Variants in KDM4C observed in about 807,000 individuals in gnomAD.
KDM4C encodes lysine demethylase 4C.
KDM4C carries 81 observed loss-of-function variants against 129.3 expected under a neutral mutation model. The observed-to-expected ratio is 0.63, with a 90% CI of 0.52 to 0.75. The LOEUF is 0.75. Ranked by LOEUF, KDM4C falls within the 30% of genes least tolerant of loss-of-function variation. The pLI is 0.00. For missense variants in KDM4C, 1,457 were observed against 1,304.0 expected, an observed-to-expected ratio of 1.12 and a Z score of -1.81; for synonymous variants, 573 against 456.1, an observed-to-expected ratio of 1.26 and a Z score of -3.26.
chr9:7,169,311 G>A (rs10115707), intron 20 of KDM4C, among the ~76,000 whole-genome samples: 8,965 of 152,084 alleles, frequency 0.059, 436 homozygotes, highest in East Asian at 0.14. Context: ...GGCCTGTTTT[G>A]AAATGTATTT....
intron 21 of KDM4C, 25 bp downstream of exon 21, chr9:7,169,915 G>T: frequency 6.2e-7 from 1 of 1,613,474 alleles, no homozygotes; most frequent in Non-Finnish European, 8.5e-7. Flanking sequence ...ATGCCACTTG[G>T]GGACCTGCCA....
intron 21 of KDM4C, chr9:7,170,182 C>T: frequency 7.9e-7 from 1 of 1,262,380 alleles, no homozygotes; most frequent in Admixed American, 3.5e-5. Context: ...CTGTGTAAAA[C>T]ACCAGGAGCA....
At chr9:6,725,893 A>C (rs1817109375) in intron 1 of KDM4C, among the ~76,000 whole-genome samples, 1 of 147,086 alleles carries the variant, frequency 6.8e-6, no homozygotes, top group Non-Finnish European at 1.5e-5. Flanking sequence ...AAATATTTTT[A>C]GTAGAGATGG....
chr9:6,926,048 G>T (rs1036168370), intron 8 of KDM4C, among the ~76,000 whole-genome samples: 6 of 152,240 alleles, frequency 3.9e-5, no homozygotes, highest in African/African-American at 1.4e-4. Context: ...AACTGTAAAA[G>T]CTTGTGGTCA....
intron 1 of KDM4C, among the ~76,000 whole-genome samples, chr9:6,787,492 C>T (rs749688911): frequency 2.0e-5 from 3 of 152,254 alleles, no homozygotes; most frequent in African/African-American, 7.2e-5. Flanking sequence ...CTAGGCCTCC[C>T]AAGGTGCTGG....
intron 15 of KDM4C, among the ~76,000 whole-genome samples, chr9:7,025,848 C>T (rs1274781364): frequency 6.6e-6 from 1 of 152,116 alleles, no homozygotes; most frequent in Non-Finnish European, 1.5e-5. Flanking sequence ...CTTACTATTA[C>T]CAGTGAGTTT....
chr9:6,877,451 C>T (rs895734227), intron 5 of KDM4C, among the ~76,000 whole-genome samples: 1 of 151,990 alleles, frequency 6.6e-6, no homozygotes. Context: ...CTGCCCGCCT[C>T]GACCTCCCAA....
At chr9:6,897,853 AG>A (rs1376021683) in intron 8 of KDM4C, among the ~76,000 whole-genome samples, 1 of 152,210 alleles carries the variant, frequency 6.6e-6, no homozygotes, top group East Asian at 1.9e-4. Context: ...TTTTCTTGAT[AG>A]AGATTTAAAA....
chr9:6,796,884 G>A (rs1417420840), intron 2 of KDM4C, among the ~76,000 whole-genome samples: 1 of 152,100 alleles, frequency 6.6e-6, no homozygotes, highest in Non-Finnish European at 1.5e-5. Flanking sequence ...AAACTGTACC[G>A]AATCAAATCA....
At chr9:6,776,949 T>C (rs1369652632) in intron 1 of KDM4C, among the ~76,000 whole-genome samples, 1 of 152,174 alleles carries the variant, frequency 6.6e-6, no homozygotes, top group African/African-American at 2.4e-5. Flanking sequence ...ATTTGTAGTC[T>C]TATCTTTTCC....
In KDM4C at chr9:7,013,905, G is replaced by C. The variant is rs774583110; in HGVS notation, c.2086G>C (p.Glu696Gln). ...IPEMCFIYSE[E>Q]NIEYSPPNAF... ...AGAGATGTGTTTTATTTATAGTGAAGAAAATATAGAATATTCTCCACCCAA... is the reference window on the plus strand; with the variant it reads ...AGAGATGTGTTTTATTTATAGTGAACAAAATATAGAATATTCTCCACCCAA... Residue 696 changes from glutamate (E) to glutamine (Q), a missense_variant, in exon 14 of 22, where the codon GAA becomes CAA. Coordinates refer to ENST00000381309, the MANE Select transcript of KDM4C (RefSeq NM_015061.6). 6.2e-7 allele frequency: 1 copy of C among 1,613,946 alleles called. No individual in the cohort carries two copies. Among genetic ancestry groups the C allele is most frequent in the South Asian group, 1.1e-5 (1 of 91,070 alleles).
chr9:6,919,247 T>TTTCTTTCTTTCTTTCTTTCTTTC, intron 8 of KDM4C, among the ~76,000 whole-genome samples: 1 of 106,292 alleles, frequency 9.4e-6, no homozygotes, highest in African/African-American at 3.7e-5. Flanking sequence ...TCTTTCTTTC[T>TTTCTTTCTTTCTTTCTTTCTTTC]TTTCTTTCTT....
At chr9:6,963,115 A>G (rs1187438011) in intron 8 of KDM4C, among the ~76,000 whole-genome samples, 1 of 152,226 alleles carries the variant, frequency 6.6e-6, no homozygotes, top group Admixed American at 6.5e-5. Flanking sequence ...TGTGGGGATA[A>G]TAATTATGCC....
At chr9:6,735,578 C>T (rs1588044067) in intron 1 of KDM4C, among the ~76,000 whole-genome samples, 1 of 152,128 alleles carries the variant, frequency 6.6e-6, no homozygotes, top group Non-Finnish European at 1.5e-5. Flanking sequence ...CCAGAGTTTC[C>T]CTGCACAAGC....
intron 18 of KDM4C, among the ~76,000 whole-genome samples, chr9:7,107,862 G>C (rs896080992): frequency 6.6e-6 from 1 of 152,142 alleles, no homozygotes; most frequent in African/African-American, 2.4e-5. Context: ...TGTTGTTGTT[G>C]TTGTTGTTGT....
intron 1 of KDM4C, among the ~76,000 whole-genome samples, chr9:6,739,787 C>T (rs1327519213): frequency 2.6e-5 from 4 of 151,600 alleles, no homozygotes; most frequent in South Asian, 2.1e-4. Context: ...GCTAGGAGTT[C>T]GAGACTGCCC....
At chr9:7,106,111 C>G (rs1294684959) in intron 18 of KDM4C, among the ~76,000 whole-genome samples, 1 of 152,188 alleles carries the variant, frequency 6.6e-6, no homozygotes, top group African/African-American at 2.4e-5. Flanking sequence ...CTTATCCATT[C>G]TTCTTCCATT....
intron 2 of KDM4C, among the ~76,000 whole-genome samples, chr9:6,802,309 G>A (rs1412550669): frequency 6.6e-6 from 1 of 152,168 alleles, no homozygotes; most frequent in Non-Finnish European, 1.5e-5. Flanking sequence ...GCAGTTGGGA[G>A]TGCAAATTGG....
At chr9:6,906,479 G>A (rs1475620907) in intron 8 of KDM4C, among the ~76,000 whole-genome samples, 2 of 152,144 alleles carry the variant, frequency 1.3e-5, no homozygotes, top group Non-Finnish European at 2.9e-5. Context: ...TTGTCTCTGA[G>A]GCAAAGGGCT....
Sources: gnomAD v4.1 joint callset for allele counts (sites outside exome capture counted in the v4.1 genomes callset) on GRCh38, gnomAD v4.1.1 for gene constraint, MANE v1.5 for transcripts, NCBI Gene and HGNC (gene_info 2026-07-23, HGNC 2026-07-21) for gene names.